The following KEAP1 variants were observed in gnomAD, a reference collection of about 807,000 sequenced individuals.
KEAP1 encodes the protein kelch like ECH associated protein 1.
In KEAP1, 26 loss-of-function variants were observed where a neutral mutation model predicts 59.7. The ratio of observed to expected loss-of-function variants is 0.44; its 90% CI spans 0.32 to 0.60. KEAP1 has a LOEUF of 0.60. Ranked by LOEUF, KEAP1 falls within the 20% of genes least tolerant of loss-of-function variation. KEAP1 has a pLI of 0.06. For synonymous variants in KEAP1, 350 were observed against 358.3 expected (o/e 0.98, Z 0.26); for missense variants, 539 against 871.4 (o/e 0.62, Z 4.80).
chr19:10,487,782 G>T (rs551508174), intron 5 of KEAP1, among the ~76,000 whole-genome samples: 109 of 152,182 alleles, frequency 7.2e-4, no homozygotes, highest in Non-Finnish European at 1.2e-3. Flanking sequence ...GATCACCTGA[G>T]GTCAGGAGTT....
intron 2 of KEAP1, among the ~76,000 whole-genome samples, chr19:10,494,327 C>CTTTTTTTT (rs1195911183): frequency 2.7e-5 from 3 of 110,398 alleles, no homozygotes; most frequent in South Asian, 3.3e-4. Flanking sequence ...CCTGGCTTGG[C>CTTTTTTTT]TTTTTTTTTT....
Position 10,500,099 on chromosome 19 carries a change from A to G in KEAP1, c.-47-19T>C, listed in dbSNP as rs2144632316. On this transcript the variant is annotated intron_variant, in intron 1 of 5. Transcript: ENST00000171111. ...CAGGGACCTGGAGGGGAGAGAGCAC[A>G]GGGCAGAGGGCAGGGGTTGGGACTG... is the stretch of plus-strand genomic sequence containing the variant. 2 of 1,472,774 alleles carry G rather than the reference A, an allele frequency of 1.4e-6. No individual in the cohort carries two copies. The highest frequency in any genetic ancestry group is 2.8e-5 in the South Asian group (2 of 71,708). 91.2% of individuals were successfully genotyped at this position (1,472,774 alleles called of 1,614,324 possible). A position where few individuals can be genotyped will look rare whatever the true frequency, so the allele number is the denominator to read the frequency against.
rs976364176 is a variant in KEAP1 at position 10,486,950 on chromosome 19, A to G, written c.1709-132T>C. On this transcript the variant is annotated intron_variant, in intron 5 of 5. Transcript: ENST00000171111. ...GGTGGCTCACGCCTATAATCCTAGC[A>G]CTTTGCAGGGCTGAGGCAGGAGGAT... The G allele has an allele frequency of 1.0e-5, 9 of 874,746 alleles. No individual in the cohort carries two copies. The African/African-American group carries it at 1.6e-4, about 15-fold the overall frequency. 54.2% of individuals were successfully genotyped at this position (874,746 alleles called of 1,614,324 possible). A position where few individuals can be genotyped will look rare whatever the true frequency, so the allele number is the denominator to read the frequency against.
At chr19:10,493,573 T>A (rs1914752005) in intron 2 of KEAP1, among the ~76,000 whole-genome samples, 1 of 145,446 alleles carries the variant, frequency 6.9e-6, no homozygotes, top group Non-Finnish European at 1.5e-5. Context: ...TTTTTTTTTT[T>A]TTTTTTGAGA....
chr19:10,488,601 ACT>A (rs530913941), intron 5 of KEAP1, among the ~76,000 whole-genome samples: 22 of 137,886 alleles, frequency 1.6e-4, no homozygotes, highest in Non-Finnish European at 2.8e-4. Flanking sequence ...ACAGACTGAG[ACT>A]CTGTCTCAAA....
At chr19:10,494,489 C>G (rs1914784310) in intron 2 of KEAP1, among the ~76,000 whole-genome samples, 1 of 150,494 alleles carries the variant, frequency 6.6e-6, no homozygotes, top group Admixed American at 6.7e-5. Context: ...CACCACCACA[C>G]CCGGCTAATT....
intron 5 of KEAP1, among the ~76,000 whole-genome samples, chr19:10,487,588 G>C (rs781400411): frequency 6.6e-6 from 1 of 151,684 alleles, no homozygotes; most frequent in East Asian, 1.9e-4. Context: ...CCCGGGAGGC[G>C]GAGGTTGCAG....
chr19:10,486,751 G>C lies in KEAP1; in HGVS notation c.1776C>G (p.Ser592Arg), dbSNP rs754213713. 6.2e-7 allele frequency: 1 copy of C among 1,614,054 alleles called. No individual in the cohort carries two copies. Among genetic ancestry groups the C allele is most frequent in the African/African-American group, 1.3e-5 (1 of 75,024 alleles). Reference sequence around the variant, plus strand: ...GGCCCGATGTCATTCGGGTCACCTCGCTCCAGGTGTCTGTATCTGGGTCGT... The same window carrying C: ...GGCCCGATGTCATTCGGGTCACCTCCCTCCAGGTGTCTGTATCTGGGTCGT... The part of the protein sequence containing the change: ...ECYDPDTDTW[S>R]EVTRMTSGRS... The change falls in exon 6 of 6, where the codon AGC (serine) becomes AGG (arginine). Residue 592 changes from serine to arginine, a missense_variant. Ser to Arg is a moderately radical substitution (Grantham distance 110, BLOSUM62 -1). Transcript: ENST00000171111.
chr19:10,496,502 C>CAA (rs111471665), intron 2 of KEAP1, among the ~76,000 whole-genome samples: 30 of 128,370 alleles, frequency 2.3e-4, no homozygotes, highest in African/African-American at 7.0e-4. Context: ...CCCCCACCCC[C>CAA]AAAAAAAAAA....
In KEAP1 at chr19:10,486,620, G is replaced by A. The variant is rs2144576899; in HGVS notation, c.*32C>T. ...ACAAAAACAATGATACTCCCCATTG[G>A]ACTGTATTTTTGCCCAAGAAACAAA... On this transcript the variant is annotated 3_prime_UTR_variant, in exon 6 of 6. Coordinates refer to ENST00000171111, the MANE Select transcript of KEAP1 (RefSeq NM_203500.2). 6.2e-7 allele frequency: 1 copy of A among 1,602,720 alleles called. No homozygotes were observed.
chr19:10,501,700 CACGA>C (rs1915051849), intron 1 of KEAP1, among the ~76,000 whole-genome samples: 1 of 151,972 alleles, frequency 6.6e-6, no homozygotes, highest in Non-Finnish European at 1.5e-5. Context: ...CACCAGCCAC[CACGA>C]TGGGCTAATT....
chr19:10,486,864 C>T (rs2144579405), intron 5 of KEAP1, 46 bp from the exon 6 acceptor site: 2 of 1,579,050 alleles, frequency 1.3e-6, no homozygotes, highest in Non-Finnish European at 1.7e-6. Context: ...CACACCACAT[C>T]CAAGAGCAGG....
chr19:10,490,634 G>C (rs931820729), intron 3 of KEAP1: 2 of 152,164 alleles, frequency 1.3e-5, no homozygotes, highest in Admixed American at 6.6e-5. Flanking sequence ...CAACTCTTGG[G>C]CTCAAGGAAC....
chr19:10,501,049 G>T (rs1402901490), intron 1 of KEAP1, among the ~76,000 whole-genome samples: 2 of 152,118 alleles, frequency 1.3e-5, no homozygotes, highest in Admixed American at 1.3e-4. Flanking sequence ...CTGAGACAAG[G>T]ATGAAAATTA....
At chr19:10,489,468 C>G in intron 4 of KEAP1, 100 bp from the exon 5 acceptor site, 1 of 1,329,058 alleles carries the variant, frequency 7.5e-7, no homozygotes, top group Non-Finnish European at 1.0e-6. Context: ...CCTCTCCCTT[C>G]TCACCCTCAG....
intron 3 of KEAP1, chr19:10,490,830 C>A (rs575043536): frequency 6.6e-6 from 1 of 152,168 alleles, no homozygotes; most frequent in Non-Finnish European, 1.5e-5. Flanking sequence ...TCTGATAAAC[C>A]CCTAGTGGCT....
chr19:10,493,557 C>CT (rs756608531), intron 2 of KEAP1, among the ~76,000 whole-genome samples: 4,752 of 96,344 alleles, frequency 0.049, 371 homozygotes, highest in Non-Finnish European at 0.06. Context: ...GTCTCAAACT[C>CT]TTTTTTTTTT....
Position 10,488,514 on chromosome 19 carries a change from A to T in KEAP1, c.1708+678T>A, listed in dbSNP as rs1458889806. 4.6e-5 allele frequency among the ~76,000 whole-genome samples: 7 copies of T among 151,838 alleles called. No homozygotes were observed. The East Asian group carries it at 5.8e-4, about 13-fold the overall frequency. On this transcript the variant is annotated intron_variant, in intron 5 of 5. Coordinates refer to ENST00000171111, the MANE Select transcript of KEAP1 (RefSeq NM_203500.2). ...GTAATCTCAGCTACTTGGGAGGCTGATGGGGGAGAATCACTTGAAACCAGG... is the reference window on the plus strand; with the variant it reads ...GTAATCTCAGCTACTTGGGAGGCTGTTGGGGGAGAATCACTTGAAACCAGG...
At position 10,502,216 on chromosome 19, in the gene KEAP1, C is replaced by A. The variant is rs1026983255; in HGVS notation, c.-48+1025G>T. 3.9e-5 allele frequency among the ~76,000 whole-genome samples: 6 copies of A among 152,164 alleles called. No individual in the cohort carries two copies. Among genetic ancestry groups the A allele is most frequent in the African/African-American group, 1.4e-4 (6 of 41,450 alleles). On this transcript the variant is annotated intron_variant, in intron 1 of 5. Coordinates refer to ENST00000171111, the MANE Select transcript of KEAP1 (RefSeq NM_203500.2). This position sits in a 1 kb window ranked among gnomAD's most constrained non-coding sequence, Gnocchi z 4.0. ...TCCACCCTCCCTGGGTGCCACTCGG[C>A]CCCCACTCTGGTGCCAAGGCCCTGG...
Sources: gnomAD v4.1 joint callset for allele counts (sites outside exome capture counted in the v4.1 genomes callset) on GRCh38, gnomAD v4.1.1 for gene constraint, Gnocchi (gnomAD v3.1) non-coding constraint, MANE v1.5 for transcripts, NCBI Gene and HGNC (gene_info 2026-07-23, HGNC 2026-07-21) for gene names.